ADAM19: variants seen among roughly 807,000 people sequenced by gnomAD.
The protein encoded by ADAM19 is disintegrin and metalloproteinase domain-containing protein 19.
In ADAM19, 65 loss-of-function variants were observed where a neutral mutation model predicts 114.7. That is an observed-to-expected ratio of 0.57 (90% CI 0.46 to 0.70). The LOEUF (loss-of-function observed/expected upper bound fraction) is 0.70, where lower values mean the gene tolerates loss of function less well. Among genes scored for constraint, ADAM19 ranks in the 30% least tolerant of loss-of-function variants. The pLI is 0.00. For synonymous variants in ADAM19, 466 were observed against 460.5 expected, an observed-to-expected ratio of 1.01 and a Z score of -0.15; for missense variants, 1,063 against 1,204.7, an observed-to-expected ratio of 0.88 and a Z score of 1.74.
chr5:157,479,260 T>C lies in ADAM19; in HGVS notation c.*1689A>G. 1 of 985,882 alleles carries C rather than the reference T, an allele frequency of 1.0e-6. No homozygotes were observed. The highest frequency in any genetic ancestry group is 1.2e-6 in the Non-Finnish European group (1 of 829,958). 61.1% of individuals were successfully genotyped at this position (985,882 alleles called of 1,614,324 possible). A position where few individuals can be genotyped will look rare whatever the true frequency, so the allele number is the denominator to read the frequency against. ...AGGGGTACATCCCGTATTTTCCACT[T>C]ATTTCCAAACCCAAGAACATCCAAG... On this transcript the variant is annotated 3_prime_UTR_variant, in exon 23 of 23. Coordinates refer to ENST00000257527, the MANE Select transcript of ADAM19 (RefSeq NM_033274.5).
chr5:157,509,881 C>G (rs141022120), intron 8 of ADAM19, among the ~76,000 whole-genome samples: 1 of 152,178 alleles, frequency 6.6e-6, no homozygotes, highest in Admixed American at 6.5e-5. Flanking sequence ...ATAGGTAAAA[C>G]AGACAGGAAC....
At chr5:157,572,303 G>T in intron 1 of ADAM19, 1 of 456,120 alleles carries the variant, frequency 2.2e-6, no homozygotes, top group Non-Finnish European at 4.4e-6. Context: ...TTGCAAGAAA[G>T]AGAATTTAAA....
chr5:157,551,842 T>TA (rs1451436834), intron 3 of ADAM19, among the ~76,000 whole-genome samples: 1 of 152,080 alleles, frequency 6.6e-6, no homozygotes, highest in Non-Finnish European at 1.5e-5. Flanking sequence ...ATCACTGATC[T>TA]TCAGAGAAAT....
In ADAM19 at chr5:157,479,393, C is replaced by A; in HGVS notation, c.*1556G>T. On this transcript the variant is annotated 3_prime_UTR_variant, in exon 23 of 23. Transcript: ENST00000257527. ...TTCAAGAGCAAACAATTGCTCATGG[C>A]AGGATGGGAGGAGGCCCCAGGAAAG... 2.0e-6 allele frequency: 2 copies of A among 986,068 alleles called. No homozygotes were observed. The highest frequency in any genetic ancestry group is 2.4e-6 in the Non-Finnish European group (2 of 830,124). The allele number at this position is 986,068 out of a possible 1,614,324, so 61.1% of individuals were successfully genotyped here. A position where few individuals can be genotyped will look rare whatever the true frequency, so the allele number is the denominator to read the frequency against.
chr5:157,522,800 A>G (rs921114968), intron 5 of ADAM19, among the ~76,000 whole-genome samples: 1 of 152,224 alleles, frequency 6.6e-6, no homozygotes, highest in Middle Eastern at 3.4e-3. Context: ...AGAAAAAAAA[A>G]TACCCTGTAG....
chr5:157,502,706 T>A (rs1755608305), intron 12 of ADAM19, 97 bp downstream of exon 12: 1 of 1,385,558 alleles, frequency 7.2e-7, no homozygotes, highest in Non-Finnish European at 1.0e-6. Context: ...AGGAAACACC[T>A]GTGACTAAGA....
intron 4 of ADAM19, among the ~76,000 whole-genome samples, chr5:157,536,259 T>A (rs556384134): frequency 6.6e-6 from 1 of 152,244 alleles, no homozygotes; most frequent in East Asian, 1.9e-4. Context: ...TTTGGGAGGC[T>A]GAGGTGGGTG....
intron 6 of ADAM19, 152 bp downstream of exon 6, chr5:157,519,687 C>T: frequency 1.4e-6 from 1 of 722,964 alleles, no homozygotes; most frequent in Non-Finnish European, 2.2e-6. Context: ...GTATTTCACA[C>T]TCAACAATGA....
Position 157,507,835 on chromosome 5 carries a change from G to GA in ADAM19, c.906-696dup, listed in dbSNP as rs531621977. On this transcript the variant is annotated intron_variant, in intron 9 of 22. Coordinates refer to ENST00000257527, the MANE Select transcript of ADAM19 (RefSeq NM_033274.5). The stretch of plus-strand genomic sequence containing the variant: ...TATATACATCCAGGGTAGAGGAGAA[G>GA]AAAAAAAAAACTACCAGTGTTTCTG... 8.8e-4 allele frequency among the ~76,000 whole-genome samples: 130 copies of GA among 147,654 alleles called. No homozygotes were observed. In the South Asian group the frequency reaches 0.014, roughly 16 times the overall value.
In ADAM19 at chr5:157,509,995, G is replaced by A. The variant is rs185031656; in HGVS notation, c.739-528C>T. 1.5e-3 allele frequency among the ~76,000 whole-genome samples: 224 copies of A among 152,322 alleles called. 1 individual carries two copies. Among genetic ancestry groups the A allele is most frequent in the Admixed American group, 0.012 (189 of 15,304 alleles). ...CTTCTGTAATCAGTGCCCTTGGCCA[G>A]GCTGTCTGGTACAATTTTTTTCTCC... is the stretch of plus-strand genomic sequence containing the variant. On this transcript the variant is annotated intron_variant, in intron 8 of 22. Coordinates refer to ENST00000257527, the MANE Select transcript of ADAM19 (RefSeq NM_033274.5).
At chr5:157,538,086 T>C (rs1581338529) in intron 3 of ADAM19, 95 bp from the exon 4 acceptor site, 1 of 951,652 alleles carries the variant, frequency 1.1e-6, no homozygotes, top group African/African-American at 1.6e-5. Flanking sequence ...GGCAGGACTA[T>C]CCCAAGCATC....
At chr5:157,501,811 G>A (rs921751139) in intron 12 of ADAM19, among the ~76,000 whole-genome samples, 1 of 152,168 alleles carries the variant, frequency 6.6e-6, no homozygotes, top group Non-Finnish European at 1.5e-5. Context: ...TGCTTTGGGA[G>A]GCCGAGGTGG....
At position 157,535,592 on chromosome 5, in the gene ADAM19, A is replaced by G. The variant is rs137961892; in HGVS notation, c.330+2321T>C. Among the ~76,000 whole-genome samples, 36 of 152,370 alleles carry G rather than the reference A, an allele frequency of 2.4e-4. No homozygotes were observed. In the East Asian group the frequency reaches 6.7e-3, roughly 29 times the overall value. ...GTTCAGCTAGGATGTGCTTCAGTCA[A>G]CAAGACCTTCTGGAAGGAGGGGATT... On this transcript the variant is annotated intron_variant, in intron 4 of 22. Transcript: ENST00000257527.
chr5:157,525,997 A>G (rs943111870), intron 5 of ADAM19, among the ~76,000 whole-genome samples: 6 of 152,214 alleles, frequency 3.9e-5, no homozygotes, highest in African/African-American at 1.2e-4. Context: ...AAGACTTTCT[A>G]TATAATGAAA....
chr5:157,520,131 G>T (rs1012300772), intron 5 of ADAM19, 100 bp from the exon 6 acceptor site: 3 of 1,210,924 alleles, frequency 2.5e-6, no homozygotes, highest in Non-Finnish European at 2.3e-6. Flanking sequence ...GACATAGTGG[G>T]TTTTGATCAT....
chr5:157,502,725 A>G (rs56357570), intron 12 of ADAM19, 78 bp downstream of exon 12: 303 of 1,516,710 alleles, frequency 2.0e-4, no homozygotes, highest in Non-Finnish European at 2.4e-4. Flanking sequence ...GAAATTTTCA[A>G]TTGTGTTCTC....
chr5:157,547,910 G>C (rs1256416179), intron 3 of ADAM19, among the ~76,000 whole-genome samples: 1 of 152,112 alleles, frequency 6.6e-6, no homozygotes, highest in Non-Finnish European at 1.5e-5. Flanking sequence ...CATTGCCCTA[G>C]AGATAAAAGC....
intron 1 of ADAM19, among the ~76,000 whole-genome samples, chr5:157,574,573 T>C (rs1247445285): frequency 6.6e-6 from 1 of 152,176 alleles, no homozygotes; most frequent in Non-Finnish European, 1.5e-5. Flanking sequence ...GTGCTCGCTC[T>C]ATTTGAAAAC....
At chr5:157,543,852 T>C (rs1314611533) in intron 3 of ADAM19, among the ~76,000 whole-genome samples, 1 of 152,148 alleles carries the variant, frequency 6.6e-6, no homozygotes, top group Non-Finnish European at 1.5e-5. Flanking sequence ...AGAGTGCTAT[T>C]CTAATGTCAT....
Sources: allele counts gnomAD v4.1 joint callset (sites outside exome capture counted in the v4.1 genomes callset), GRCh38; gene constraint gnomAD v4.1.1; transcripts MANE v1.5; gene names NCBI Gene and HGNC (gene_info 2026-07-23, HGNC 2026-07-21).